RP1: variants seen among roughly 807,000 people sequenced by gnomAD.
RP1 encodes oxygen-regulated protein 1.
Under a neutral mutation model 14.8 loss-of-function variants are expected in RP1, and 16 were observed. That is an observed-to-expected ratio of 1.08 (90% CI 0.73 to 1.65). RP1 has a LOEUF of 1.65. RP1 is among the 40% of genes most tolerant of loss of function. The probability of loss-of-function intolerance (pLI) is 0.00; values close to 1 mark genes in which losing one functional copy is unlikely to be tolerated. For missense variants in RP1, 2,631 were observed against 2,535.0 expected (o/e 1.04, Z -0.81); for synonymous variants, 876 against 883.6 (o/e 0.99, Z 0.15).
rs1475880003 is a variant in RP1, at chr8:54,626,708, G to T, written c.2826G>T (p.Thr942=). Residue 942 remains threonine (T), a synonymous_variant, in exon 4 of 4, where the codon ACG becomes ACT. Transcript: ENST00000220676. The stretch of plus-strand genomic sequence containing the variant: ...CAGCTCCAGTATGTAGAAATGAAAC[G>T]AGTGTGGTAAATTGTAGCAATAATA... ...IKSAPVCRNE[T]SVVNCSNNSF... is the part of the protein sequence containing the mutation. 1 of 1,613,908 alleles carries T rather than the reference G, an allele frequency of 6.2e-7. No homozygotes were observed. Among genetic ancestry groups the T allele is most frequent in the South Asian group, 1.1e-5 (1 of 91,048 alleles).
chr8:54,738,959 C>G, exon 19 of RP1: 1 of 1,498,434 alleles, frequency 6.7e-7, no homozygotes, highest in Non-Finnish European at 8.9e-7. Context: ...ATAAGAAACA[C>G]TGGAAACATA....
chr8:54,606,316 T>G (rs2129307485), intron 1 of RP1, among the ~76,000 whole-genome samples: 2 of 152,268 alleles, frequency 1.3e-5, no homozygotes, highest in South Asian at 2.1e-4. Flanking sequence ...TAGTTTGGCT[T>G]GATATGAAAT....
At chr8:54,686,545 G>A (rs1807567651) in intron 12 of RP1, among the ~76,000 whole-genome samples, 1 of 152,108 alleles carries the variant, frequency 6.6e-6, no homozygotes, top group Admixed American at 6.6e-5. Context: ...CAGACACACA[G>A]CATGAGAAGT....
intron 1 of RP1, among the ~76,000 whole-genome samples, chr8:54,563,069 A>G (rs192991094): frequency 6.6e-5 from 10 of 152,316 alleles, no homozygotes; most frequent in African/African-American, 2.4e-4. Context: ...ACATCCTATC[A>G]TCTGTTCCTC....
In RP1 at chr8:54,845,759, T is replaced by A. The variant is rs77935692; in HGVS notation, c.3836-6815T>A. ...CTAATTTATTATCACTTCCTATTACTGACAGATGGCTGACTGTGGGTGAGG... is the reference window on the plus strand; with the variant it reads ...CTAATTTATTATCACTTCCTATTACAGACAGATGGCTGACTGTGGGTGAGG... On this transcript the variant is annotated intron_variant, in intron 25 of 28. Transcript: ENST00000637698. Among the ~76,000 whole-genome samples the A allele has an allele frequency of 7.7e-4, 117 of 152,362 alleles. 2 individuals are homozygous for A. The East Asian group carries it at 0.019, about 25-fold the overall frequency.
intron 8 of RP1, among the ~76,000 whole-genome samples, chr8:54,677,781 A>C (rs1807326686): frequency 6.6e-6 from 1 of 152,142 alleles, no homozygotes; most frequent in Admixed American, 6.6e-5. Flanking sequence ...CCTATAGCTG[A>C]TGAGTATTAA....
chr8:54,696,190 T>C (rs538571393), intron 12 of RP1, among the ~76,000 whole-genome samples: 3 of 152,134 alleles, frequency 2.0e-5, no homozygotes, highest in Non-Finnish European at 4.4e-5. Context: ...TATACACATA[T>C]AGTAAAGCAG....
intron 1 of RP1, among the ~76,000 whole-genome samples, chr8:54,591,029 A>G (rs1805033757): frequency 3.9e-5 from 6 of 152,182 alleles, no homozygotes; most frequent in Admixed American, 3.9e-4. Flanking sequence ...TTCCATGAAT[A>G]TAACCCAACC....
chr8:54,745,338 A>G (rs1809196347), intron 19 of RP1, among the ~76,000 whole-genome samples: 1 of 152,208 alleles, frequency 6.6e-6, no homozygotes, highest in African/African-American at 2.4e-5. Context: ...CCTAGATGTT[A>G]TATTCTCATT....
At chr8:54,565,168 C>T (rs1397363974) in intron 1 of RP1, among the ~76,000 whole-genome samples, 2 of 152,162 alleles carry the variant, frequency 1.3e-5, no homozygotes, top group East Asian at 3.9e-4. Context: ...GGCATGTGCT[C>T]TTAGGAATGT....
At chr8:54,568,398 A>G (rs1255294316) in intron 1 of RP1, among the ~76,000 whole-genome samples, 1 of 152,202 alleles carries the variant, frequency 6.6e-6, no homozygotes, top group Non-Finnish European at 1.5e-5. Context: ...AATTGGATCA[A>G]TTGGCCAGAA....
intron 1 of RP1, among the ~76,000 whole-genome samples, chr8:54,606,851 G>C (rs1805458749): frequency 6.6e-6 from 1 of 152,130 alleles, no homozygotes; most frequent in African/African-American, 2.4e-5. Context: ...ACTGAGGCTT[G>C]TGCATTCGTC....
intron 15 of RP1, among the ~76,000 whole-genome samples, chr8:54,712,564 G>A (rs1808317173): frequency 6.6e-6 from 1 of 152,152 alleles, no homozygotes; most frequent in Non-Finnish European, 1.5e-5. Flanking sequence ...CCTACCTCCT[G>A]ATGGTGTCTG....
rs1375049805 is a variant in RP1, at chr8:54,687,065, A to G, written c.1717+7132A>G. 3.3e-5 allele frequency among the ~76,000 whole-genome samples: 5 copies of G among 152,148 alleles called. No individual in the cohort carries two copies. The South Asian group carries it at 6.2e-4, about 19-fold the overall frequency. The stretch of plus-strand genomic sequence containing the variant: ...TTCATGCCATGTCAGACTATAACAC[A>G]TGGAAAAGATAATTGCATTTTTCTT... On this transcript the variant is annotated intron_variant, in intron 12 of 22. Coordinates refer to the RP1 transcript ENST00000636932.
intron 17 of RP1, among the ~76,000 whole-genome samples, chr8:54,729,060 ATAATTT>A (rs1233924497): frequency 6.6e-6 from 1 of 152,238 alleles, no homozygotes; most frequent in African/African-American, 2.4e-5. Flanking sequence ...TTACTTCTGC[ATAATTT>A]TAAGTTTGGA....
At chr8:54,579,368 A>C (rs866577120) in intron 1 of RP1, among the ~76,000 whole-genome samples, 21 of 152,354 alleles carry the variant, frequency 1.4e-4, no homozygotes, top group African/African-American at 4.8e-4. Flanking sequence ...GCTGAAATGC[A>C]GGATTAATTC....
At chr8:54,737,952 T>C (rs1424731791) in intron 18 of RP1, among the ~76,000 whole-genome samples, 6 of 152,162 alleles carry the variant, frequency 3.9e-5, no homozygotes, top group Non-Finnish European at 7.4e-5. Flanking sequence ...ATGGCTATTA[T>C]TGAAGCCATT....
At position 54,825,109 on chromosome 8, in the gene RP1, A is replaced by G. The variant is rs529457870; in HGVS notation, c.3616-12341A>G. On this transcript the variant is annotated intron_variant, in intron 24 of 28. Coordinates refer to the RP1 transcript ENST00000637698. ...CTCAGCCTCCCGAGTAGCTGGGACT[A>G]CAGGCGCCTGCCACCACGGCCGGCT... Among the ~76,000 whole-genome samples, 506 of 152,162 alleles carry G rather than the reference A, an allele frequency of 3.3e-3. 3 individuals are homozygous for G. The highest frequency in any genetic ancestry group is 0.012 in the African/African-American group (484 of 41,502).
At chr8:54,759,066 A>G (rs1241261672) in exon 22 of RP1, 3 of 1,534,204 alleles carry the variant, frequency 2.0e-6, no homozygotes, top group Admixed American at 3.9e-5. Context: ...GTCCATCTTT[A>G]CCTGTCAAAG....
Sources: gnomAD v4.1 joint callset for allele counts (sites outside exome capture counted in the v4.1 genomes callset) on GRCh38, gnomAD v4.1.1 for gene constraint, MANE v1.5 for transcripts, NCBI Gene and HGNC (gene_info 2026-07-23, HGNC 2026-07-21) for gene names.